The following NPC1L1 variants were observed in gnomAD, a reference collection of about 807,000 sequenced individuals.
The protein encoded by NPC1L1 is NPC1 like intracellular cholesterol transporter 1.
In NPC1L1, 98 loss-of-function variants were observed where a neutral mutation model predicts 117.0. The observed-to-expected ratio is 0.84, with a 90% CI of 0.71 to 0.99. NPC1L1 has a LOEUF of 0.99. Among genes scored for constraint, NPC1L1 ranks in the 50% least tolerant of loss-of-function variants. The pLI, the probability that NPC1L1 is intolerant of heterozygous loss-of-function variation, is 0.00. For missense variants in NPC1L1, 1,540 were observed against 1,710.0 expected, an observed-to-expected ratio of 0.90 and a Z score of 1.75; for synonymous variants, 729 against 727.6, an observed-to-expected ratio of 1.00 and a Z score of -0.03.
chr7:44,526,546 C>CAAAAAAAAAAAAAAAAAAAAAAAAA (rs372498105), intron 10 of NPC1L1, among the ~76,000 whole-genome samples: 9 of 68,348 alleles, frequency 1.3e-4, no homozygotes, highest in Admixed American at 5.0e-4. Flanking sequence ...GACTCCATCT[C>CAAAAAAAAAAAAAAAAAAAAAAAAA]AAAAAAAAAA....
chr7:44,536,699 G>T lies in NPC1L1; in HGVS notation c.1681+143C>A. 1.3e-6 allele frequency: 1 copy of T among 781,632 alleles called. No homozygotes were observed. Among genetic ancestry groups the T allele is most frequent in the Non-Finnish European group, 2.2e-6 (1 of 451,112 alleles). The allele number at this position is 781,632 out of a possible 1,614,324, so 48.4% of individuals were successfully genotyped here. A position where few individuals can be genotyped will look rare whatever the true frequency, so the allele number is the denominator to read the frequency against. The stretch of plus-strand genomic sequence containing the variant: ...AAGGAGATGGCAGAGAGAGGAAACA[G>T]GACAGGGTTGGCCTACAGCTTCCAG... On this transcript the variant is annotated intron_variant, in intron 3 of 18. Coordinates refer to ENST00000381160, the MANE Select transcript of NPC1L1 (RefSeq NM_001101648.2). The surrounding 1 kb of genome is among the most constrained non-coding windows in gnomAD (Gnocchi z 4.7).
rs559858415 is a variant in NPC1L1 at position 44,513,315 on chromosome 7, G to A, written c.*132C>T. The A allele has an allele frequency of 7.0e-6, 6 of 853,002 alleles. No individual in the cohort carries two copies. The highest frequency in any genetic ancestry group is 1.2e-5 in the Non-Finnish European group (6 of 514,672). 52.8% of individuals were successfully genotyped at this position (853,002 alleles called of 1,614,324 possible). On this transcript the variant is annotated 3_prime_UTR_variant, in exon 19 of 19. Transcript: ENST00000381160. ...TACCTCAAGAGCAGGCCATCCTCCA[G>A]TGACAGGCAGTCTCATGGGAATGGC...
chr7:44,539,161 CAGGAT>C lies in NPC1L1; in HGVS notation c.1231_1235del (p.Ile411AspfsTer4). On this transcript the variant is annotated frameshift_variant, in exon 2 of 19. Coordinates refer to ENST00000381160, the MANE Select transcript of NPC1L1 (RefSeq NM_001101648.2). LOFTEE classifies it high-confidence loss of function. The surrounding 1 kb of genome is among the most constrained non-coding windows in gnomAD (Gnocchi z 4.4). ...TGTAGCTGGACCGGTTAGGAGCCGT[CAGGAT>C]CACCTGGTTGGTTCGGAAGAAGGGG... is the stretch of plus-strand genomic sequence containing the variant. 1 of 1,614,118 alleles carries C rather than the reference CAGGAT, an allele frequency of 6.2e-7. No homozygotes were observed. The highest frequency in any genetic ancestry group is 1.3e-5 in the African/African-American group (1 of 75,046).
At chr7:44,537,338 C>T (rs1278001511) in intron 2 of NPC1L1, among the ~76,000 whole-genome samples, 2 of 152,168 alleles carry the variant, frequency 1.3e-5, no homozygotes, top group Admixed American at 1.3e-4. Flanking sequence ...CCTGAAGTCC[C>T]GTGAGGGTGG....
chr7:44,533,673 AC>A, intron 7 of NPC1L1, 65 bp downstream of exon 7: 1 of 1,606,896 alleles, frequency 6.2e-7, no homozygotes, highest in Non-Finnish European at 8.5e-7. Context: ...CCCTCTGGGA[AC>A]TCCTAGGCCC....
Position 44,539,968 on chromosome 7 carries a change from G to T in NPC1L1, c.429C>A (p.Ala143=). 2 of 1,614,206 alleles carry T rather than the reference G, an allele frequency of 1.2e-6. No individual in the cohort carries two copies. The highest frequency in any genetic ancestry group is 1.3e-5 in the African/African-American group (1 of 75,062). ...QSLFINVTRV[A]QLGAGQLPAV... ...CTGGGAGTTGTCCAGCCCCTAGCTGGGCCACGCGGGTCACATTGATGAAGA... is the reference window on the plus strand; with the variant it reads ...CTGGGAGTTGTCCAGCCCCTAGCTGTGCCACGCGGGTCACATTGATGAAGA... The change falls in exon 2 of 19, where the codon GCC becomes GCA. Residue 143 remains alanine (A), a synonymous_variant. Coordinates refer to ENST00000381160, the MANE Select transcript of NPC1L1 (RefSeq NM_001101648.2). This position sits in a 1 kb window ranked among gnomAD's most constrained non-coding sequence, Gnocchi z 4.4.
chr7:44,525,384 A>G (rs1585136210), intron 10 of NPC1L1, among the ~76,000 whole-genome samples: 1 of 152,138 alleles, frequency 6.6e-6, no homozygotes. Flanking sequence ...CAGCCTCCCA[A>G]GTATCTTGGA....
At chr7:44,533,600 G>T in intron 7 of NPC1L1, 42 bp from the exon 8 acceptor site, 1 of 1,613,862 alleles carries the variant, frequency 6.2e-7, no homozygotes, top group South Asian at 1.1e-5. Context: ...CTGGCTTCAA[G>T]GGCAGAGTGG....
rs1205682146 is a variant in NPC1L1 at position 44,517,384 on chromosome 7, G to A, written c.3137-27C>T. ...TGGACAGCCATGGCACACAGAAGAT[G>A]GAAGGGCAAAGGTCAGAGCCCTTTC... On this transcript the variant is annotated intron_variant, in intron 14 of 18. Transcript: ENST00000381160. 5.0e-6 allele frequency: 8 copies of A among 1,606,786 alleles called. No individual in the cohort carries two copies. In the East Asian group the frequency reaches 1.3e-4, roughly 27 times the overall value.
chr7:44,536,343 G>C lies in NPC1L1; in HGVS notation c.1767C>G (p.Ala589=). 1 of 1,614,222 alleles carries C rather than the reference G, an allele frequency of 6.2e-7. No individual in the cohort carries two copies. The change falls in exon 4 of 19, where the codon GCC becomes GCG. Residue 589 remains alanine (A), a synonymous_variant. Transcript: ENST00000381160. The surrounding 1 kb of genome is among the most constrained non-coding windows in gnomAD (Gnocchi z 4.7). The part of the protein sequence containing the change: ...YPAGDPRLAQ[A]KLWEEAFLEE... ...CTAAGAAGGCCTCCTCCCACAGCTT[G>C]GCCTGGGCCAGACGGGGGTCCCCGG...
chr7:44,531,781 G>GT lies in NPC1L1; in HGVS notation c.2610dup (p.Leu871ThrfsTer15). The GT allele has an allele frequency of 1.3e-6, 2 of 1,585,074 alleles. No homozygotes were observed. Among genetic ancestry groups the GT allele is most frequent in the Non-Finnish European group, 1.7e-6 (2 of 1,165,930 alleles). ...TTGGGCAGGGCCAGCTCCTGGTCCA[G>GT]TCCCACGCTGATGTGGCACATGGAG... On this transcript the variant is annotated frameshift_variant, in exon 10 of 19. Coordinates refer to ENST00000381160, the MANE Select transcript of NPC1L1 (RefSeq NM_001101648.2). LOFTEE classifies it high-confidence loss of function.
At chr7:44,533,027 A>C (rs940705011) in intron 8 of NPC1L1, among the ~76,000 whole-genome samples, 8 of 151,398 alleles carry the variant, frequency 5.3e-5, no homozygotes, top group African/African-American at 1.9e-4. Flanking sequence ...AATCGCTTGA[A>C]CCCGGGAGGC....
rs769827091 is a variant in NPC1L1 at position 44,517,212 on chromosome 7, G to A, written c.3282C>T (p.Pro1094=). 206 of 1,614,024 alleles carry A rather than the reference G, an allele frequency of 1.3e-4. No homozygotes were observed. Among genetic ancestry groups the A allele is most frequent in the Non-Finnish European group, 1.7e-4 (205 of 1,180,010 alleles). ...PGTDPAFEVF[P]YTITNVFYEQ... is the part of the protein sequence containing the mutation. ...CCAGCCACTCAGGTCCTCACGTGTA[G>A]GGGAAGACCTCAAAAGCCGGGTCTG... The change falls in exon 15 of 19, where the codon CCC becomes CCT. Residue 1094 remains proline (P), a synonymous_variant. Coordinates refer to ENST00000381160, the MANE Select transcript of NPC1L1 (RefSeq NM_001101648.2).
At chr7:44,533,138 C>A in intron 8 of NPC1L1, 1 of 308,776 alleles carries the variant, frequency 3.2e-6, no homozygotes. Flanking sequence ...AGATTTTCAA[C>A]TGCTTAGACA....
At chr7:44,523,159 G>A (rs1170390050) in intron 10 of NPC1L1, among the ~76,000 whole-genome samples, 2 of 152,148 alleles carry the variant, frequency 1.3e-5, no homozygotes, top group African/African-American at 2.4e-5. Context: ...GGGTTCAAGC[G>A]ATTCTTGTGC....
rs753709703 is a variant in NPC1L1, at chr7:44,539,024, G to C, written c.1373C>G (p.Ser458Trp). ...GGAGATGTTGCGCTGTGCTTCGGGC[G>C]ACCATACCTGGAGGTGCCGCAGCCT... ...QERLRHLQVW[S>W]PEAQRNISLQ... The change falls in exon 2 of 19, where the codon TCG (serine) becomes TGG (tryptophan). Residue 458 changes from serine to tryptophan, a missense_variant. By Grantham distance (177) the Ser-to-Trp change is radical (BLOSUM62 -3). Transcript: ENST00000381160. This position sits in a 1 kb window ranked among gnomAD's most constrained non-coding sequence, Gnocchi z 4.4. 4.3e-6 allele frequency: 7 copies of C among 1,614,008 alleles called. No individual in the cohort carries two copies. The African/African-American group carries it at 9.3e-5, about 22-fold the overall frequency.
chr7:44,523,695 C>G (rs888648314), intron 10 of NPC1L1, among the ~76,000 whole-genome samples: 8 of 151,924 alleles, frequency 5.3e-5, no homozygotes, highest in Non-Finnish European at 8.8e-5. Flanking sequence ...GACACCCTGT[C>G]TCTACAAAAA....
Position 44,540,226 on chromosome 7 carries a change from G to A in NPC1L1, c.171C>T (p.Cys57=), listed in dbSNP as rs776905899. 1 of 1,613,968 alleles carries A rather than the reference G, an allele frequency of 6.2e-7. No individual in the cohort carries two copies. The highest frequency in any genetic ancestry group is 8.5e-7 in the Non-Finnish European group (1 of 1,180,034). Residue 57 remains cysteine, a synonymous_variant, in exon 2 of 19, where the codon TGC becomes TGT. Transcript: ENST00000381160. ...TCTTGCGGGCCGGCGTGTTGGACAG[G>A]CAGGACACGTTGGAGAGTGTCATGA... is the stretch of plus-strand genomic sequence containing the variant. ...GSLMTLSNVS[C]LSNTPARKIT... is the part of the protein sequence containing the mutation.
Position 44,539,642 on chromosome 7 carries a change from G to A in NPC1L1, c.755C>T (p.Ala252Val), listed in dbSNP as rs746211824. The change falls in exon 2 of 19, where the codon GCG becomes GTG. Residue 252 changes from alanine to valine, a missense_variant. This residue lies in a region of NPC1L1 where 793 missense variants were observed against 820.4 expected (regional missense o/e 0.97). Coordinates refer to ENST00000381160, the MANE Select transcript of NPC1L1 (RefSeq NM_001101648.2). This position sits in a 1 kb window ranked among gnomAD's most constrained non-coding sequence, Gnocchi z 4.4. ...AGCACAGTCTTGGCAGGAGCAGGTC[G>A]CCACGTCGTCACCTTGGGACTCATT... The part of the protein sequence containing the change: ...RCNESQGDDV[A>V]TCSCQDCAAS... 18 of 1,613,688 alleles carry A rather than the reference G, an allele frequency of 1.1e-5. No individual in the cohort carries two copies. Among genetic ancestry groups the A allele is most frequent in the Admixed American group, 5.0e-5 (3 of 60,008 alleles).
Sources: gnomAD v4.1 joint callset for allele counts (sites outside exome capture counted in the v4.1 genomes callset) on GRCh38, gnomAD v4.1.1 for gene constraint, gnomAD v4.1.1 regional missense constraint, Gnocchi (gnomAD v3.1) non-coding constraint, MANE v1.5 for transcripts, NCBI Gene and HGNC (gene_info 2026-07-23, HGNC 2026-07-21) for gene names.